DCUN1D4: variants seen among roughly 807,000 people sequenced by gnomAD.
DCUN1D4 encodes the protein DCN1-like protein 4.
DCUN1D4 carries 22 observed loss-of-function variants against 47.9 expected under a neutral mutation model. The observed-to-expected ratio is 0.46, with a 90% CI of 0.33 to 0.66. The LOEUF (loss-of-function observed/expected upper bound fraction) is 0.66, where lower values mean the gene tolerates loss of function less well. Ranked by LOEUF, DCUN1D4 falls within the 30% of genes least tolerant of loss-of-function variation. The pLI, the probability that DCUN1D4 is intolerant of heterozygous loss-of-function variation, is 0.02. For missense variants in DCUN1D4, 301 were observed against 340.8 expected (o/e 0.88, Z 0.92); for synonymous variants, 121 against 112.2 (o/e 1.08, Z -0.50).
At chr4:51,863,750 C>G in intron 3 of DCUN1D4, 41 bp downstream of exon 3, 1 of 1,574,056 alleles carries the variant, frequency 6.4e-7, no homozygotes, top group Non-Finnish European at 8.7e-7. Flanking sequence ...TAAATAGCTT[C>G]TTAATATTAG....
At chr4:51,840,640 T>C (rs1214701719), upstream of DCUN1D4, among the ~76,000 whole-genome samples, 2 of 152,138 alleles carry the variant, frequency 1.3e-5, no homozygotes, top group Non-Finnish European at 2.9e-5. Context: ...TTTTAAGGGG[T>C]ATGGTTAACC....
At chr4:51,899,761 G>A (rs953349392) in intron 8 of DCUN1D4, among the ~76,000 whole-genome samples, 1 of 152,138 alleles carries the variant, frequency 6.6e-6, no homozygotes, top group African/African-American at 2.4e-5. Flanking sequence ...CAGATTCACC[G>A]TGGGTGCTAT....
intron 8 of DCUN1D4, among the ~76,000 whole-genome samples, chr4:51,900,232 C>T (rs1258760258): frequency 6.6e-6 from 1 of 151,636 alleles, no homozygotes; most frequent in Non-Finnish European, 1.5e-5. Context: ...TTGGCTCTGC[C>T]AGTTCAGCAC....
Position 51,886,614 on chromosome 4 carries a change from A to C in DCUN1D4, c.390A>C (p.Glu130Asp), listed in dbSNP as rs763322111. 1 of 1,613,904 alleles carries C rather than the reference A, an allele frequency of 6.2e-7. No homozygotes were observed. The highest frequency in any genetic ancestry group is 8.5e-7 in the Non-Finnish European group (1 of 1,179,956). The change falls in exon 6 of 11, where the codon GAA (glutamate) becomes GAC (aspartate). Residue 130 changes from glutamate (E) to aspartate (D), a missense_variant. Physicochemically the swap from Glu to Asp is conservative, Grantham distance 45 (BLOSUM62 2). Transcript: ENST00000334635. ...VGPEGMEKFC[E>D]DIGVEPENVV... The stretch of plus-strand genomic sequence containing the variant: ...CTGAAGGCATGGAGAAATTTTGTGA[A>C]GACATTGGTGTTGAACCAGAAAACG...
intron 1 of DCUN1D4, among the ~76,000 whole-genome samples, chr4:51,849,335 G>A (rs1404748778): frequency 6.6e-6 from 1 of 152,158 alleles, no homozygotes; most frequent in African/African-American, 2.4e-5. Flanking sequence ...GCAGTCTGCT[G>A]TGTCCCCTTA....
chr4:51,899,222 T>C (rs748834085), intron 7 of DCUN1D4, 48 bp from the exon 8 acceptor site: 50 of 1,507,084 alleles, frequency 3.3e-5, no homozygotes, highest in Admixed American at 2.0e-4. Flanking sequence ...ATTAAAAAAA[T>C]AAATAAATGA....
chr4:51,857,850 T>A (rs1184798484), intron 1 of DCUN1D4, among the ~76,000 whole-genome samples: 1 of 152,248 alleles, frequency 6.6e-6, no homozygotes, highest in Non-Finnish European at 1.5e-5. Context: ...TTGGTGCCTT[T>A]GTATCTGCGT....
chr4:51,859,830 G>A (rs1724755623), intron 1 of DCUN1D4, among the ~76,000 whole-genome samples: 1 of 152,082 alleles, frequency 6.6e-6, no homozygotes, highest in Non-Finnish European at 1.5e-5. Flanking sequence ...GTCAGACTCA[G>A]CACTGCTTTA....
At position 51,886,563 on chromosome 4, in the gene DCUN1D4, C is replaced by A. The variant is rs1166048896; in HGVS notation, c.344-5C>A. 6.2e-7 allele frequency: 1 copy of A among 1,613,290 alleles called. No homozygotes were observed. The highest frequency in any genetic ancestry group is 1.1e-5 in the South Asian group (1 of 90,992). On this transcript the variant is annotated splice_polypyrimidine_tract_variant and splice_region_variant and intron_variant, in intron 5 of 10. Transcript: ENST00000334635. ...ATTTAATTTACATAAGACTGTATTT[C>A]ACAGGAACTGATGATGTTGTAGGCC...
intron 1 of DCUN1D4, among the ~76,000 whole-genome samples, chr4:51,850,798 G>C (rs1416431327): frequency 6.6e-6 from 1 of 152,078 alleles, no homozygotes; most frequent in Non-Finnish European, 1.5e-5. Context: ...TTAAATAGTG[G>C]AGCCAGGAAA....
chr4:51,891,116 A>G (rs1406099704), intron 6 of DCUN1D4, among the ~76,000 whole-genome samples: 1 of 152,238 alleles, frequency 6.6e-6, no homozygotes, highest in Non-Finnish European at 1.5e-5. Flanking sequence ...ACATTAAAGT[A>G]TGTGTGCTAC....
At chr4:51,881,913 A>G (rs556011670) in intron 5 of DCUN1D4, among the ~76,000 whole-genome samples, 1 of 152,284 alleles carries the variant, frequency 6.6e-6, no homozygotes, top group South Asian at 2.1e-4. Context: ...CACGCCTGTA[A>G]TTCCAACAAT....
At chr4:51,889,827 TTAG>T (rs1288538044) in intron 6 of DCUN1D4, among the ~76,000 whole-genome samples, 6 of 152,300 alleles carry the variant, frequency 3.9e-5, no homozygotes, top group Non-Finnish European at 8.8e-5. Context: ...TGGGAAATTC[TTAG>T]TAGCACCTTG....
At chr4:51,845,891 C>T (rs188273875) in intron 1 of DCUN1D4, among the ~76,000 whole-genome samples, 1 of 152,122 alleles carries the variant, frequency 6.6e-6, no homozygotes, top group East Asian at 1.9e-4. Context: ...TTATATCTAT[C>T]TGTCATATTT....
chr4:51,910,978 T>G (rs1193836642), intron 8 of DCUN1D4, 92 bp from the exon 9 acceptor site: 4 of 1,261,458 alleles, frequency 3.2e-6, no homozygotes, highest in Non-Finnish European at 4.6e-6. Flanking sequence ...AGCTGTTTAC[T>G]AATTTCCTGT....
intron 8 of DCUN1D4, among the ~76,000 whole-genome samples, chr4:51,907,482 C>A (rs964952471): frequency 1.1e-4 from 17 of 152,114 alleles, no homozygotes; most frequent in African/African-American, 4.1e-4. Flanking sequence ...TTTCCTGTGG[C>A]CTCAATTGGA....
At chr4:51,885,627 G>A (rs1428449876) in intron 5 of DCUN1D4, among the ~76,000 whole-genome samples, 1 of 152,146 alleles carries the variant, frequency 6.6e-6, no homozygotes, top group African/African-American at 2.4e-5. Flanking sequence ...GGGAAAGTGT[G>A]GTCTAGAAAG....
At chr4:51,855,985 G>A (rs1297689288) in intron 1 of DCUN1D4, among the ~76,000 whole-genome samples, 1 of 152,156 alleles carries the variant, frequency 6.6e-6, no homozygotes, top group Non-Finnish European at 1.5e-5. Flanking sequence ...CTTTTCAGGA[G>A]GCTGAGCCAT....
intron 8 of DCUN1D4, among the ~76,000 whole-genome samples, chr4:51,906,691 A>G (rs1022557719): frequency 6.6e-6 from 1 of 152,220 alleles, no homozygotes; most frequent in Admixed American, 6.5e-5. Context: ...CGGGTCTATT[A>G]CACTGAAAAT....
Sources: gnomAD v4.1 joint callset for allele counts (sites outside exome capture counted in the v4.1 genomes callset) on GRCh38, gnomAD v4.1.1 for gene constraint, MANE v1.5 for transcripts, NCBI Gene and HGNC (gene_info 2026-07-23, HGNC 2026-07-21) for gene names.